The following RRM2B variants were observed in gnomAD, a reference collection of about 807,000 sequenced individuals.
The protein encoded by RRM2B is ribonucleoside-diphosphate reductase subunit M2 B.
A neutral mutation model predicts 45.9 loss-of-function variants in RRM2B; 20 were observed. The ratio of observed to expected loss-of-function variants is 0.44; its 90% CI spans 0.31 to 0.63. RRM2B has a LOEUF of 0.63. RRM2B is among the 30% of genes least tolerant of loss of function. The probability of loss-of-function intolerance (pLI) is 0.09; values close to 1 mark genes in which losing one functional copy is unlikely to be tolerated. For synonymous variants in RRM2B, 124 were observed against 132.3 expected, an observed-to-expected ratio of 0.94 and a Z score of 0.43; for missense variants, 320 against 414.7, an observed-to-expected ratio of 0.77 and a Z score of 1.98.
intron 2 of RRM2B, among the ~76,000 whole-genome samples, chr8:102,228,938 C>CTT (rs1364774564): frequency 1.6e-4 from 24 of 152,316 alleles, no homozygotes; most frequent in Admixed American, 7.8e-4. Flanking sequence ...TTGTCTTTGT[C>CTT]TTTTGCCTTT....
At chr8:102,219,105 C>T (rs1274672152) in intron 5 of RRM2B, 158 bp from the exon 6 acceptor site, 2 of 708,666 alleles carry the variant, frequency 2.8e-6, no homozygotes, top group East Asian at 5.5e-5. Flanking sequence ...AGAAAATGCG[C>T]CACCTCTACC....
chr8:102,230,095 T>C lies in RRM2B; in HGVS notation c.204+2054A>G, dbSNP rs184435861. ...ATACTGATTCCAAACTAGACAATTA[T>C]CATAACTGCCTGAGTGGCTTTAAAG... On this transcript the variant is annotated intron_variant, in intron 2 of 8. Coordinates refer to ENST00000251810, the MANE Select transcript of RRM2B (RefSeq NM_015713.5). 1.7e-3 allele frequency among the ~76,000 whole-genome samples: 256 copies of C among 152,308 alleles called. 4 individuals are homozygous for C. Among genetic ancestry groups the C allele is most frequent in the Admixed American group, 0.014 (209 of 15,292 alleles).
At chr8:102,222,311 A>C (rs1397584420) in intron 5 of RRM2B, among the ~76,000 whole-genome samples, 1 of 152,132 alleles carries the variant, frequency 6.6e-6, no homozygotes, top group Non-Finnish European at 1.5e-5. Context: ...TGCTGGCCTC[A>C]AGTGATCACC....
intron 2 of RRM2B, among the ~76,000 whole-genome samples, chr8:102,227,542 T>A (rs1190541004): frequency 6.6e-6 from 1 of 152,146 alleles, no homozygotes; most frequent in Non-Finnish European, 1.5e-5. Context: ...GCTCAAGTGA[T>A]CTGCCCGCCT....
chr8:102,223,654 C>T (rs1311696964), intron 5 of RRM2B, among the ~76,000 whole-genome samples: 1 of 148,912 alleles, frequency 6.7e-6, no homozygotes, highest in African/African-American at 2.5e-5. Flanking sequence ...CAGGATCACG[C>T]CACCACACTC....
intron 5 of RRM2B, among the ~76,000 whole-genome samples, chr8:102,220,511 T>A (rs375944985): frequency 2.6e-5 from 4 of 152,214 alleles, no homozygotes; most frequent in African/African-American, 9.6e-5. Context: ...GCATTAATAA[T>A]TCAAACAGTC....
chr8:102,229,684 A>G (rs1169864150), intron 2 of RRM2B, among the ~76,000 whole-genome samples: 1 of 152,070 alleles, frequency 6.6e-6, no homozygotes, highest in African/African-American at 2.4e-5. Context: ...ACCTGGGCTC[A>G]AGCGATTCTC....
At chr8:102,208,959 G>A (rs1338016915) in intron 8 of RRM2B, among the ~76,000 whole-genome samples, 2 of 152,186 alleles carry the variant, frequency 1.3e-5, no homozygotes, top group African/African-American at 2.4e-5. Context: ...AGACCAGCCT[G>A]ACTGACATGG....
In RRM2B at chr8:102,218,265, G is replaced by A. The variant is rs561065940; in HGVS notation, c.684+549C>T. On this transcript the variant is annotated intron_variant, in intron 6 of 8. Transcript: ENST00000251810. ...TATAGTGAAGGAGCAAGGCCAGTGC[G>A]GGAACCTAGGAGGACACTGATATTA... is the stretch of plus-strand genomic sequence containing the variant. Among the ~76,000 whole-genome samples the A allele has an allele frequency of 2.6e-5, 4 of 152,226 alleles. No individual in the cohort carries two copies. The South Asian group carries it at 6.2e-4, about 24-fold the overall frequency.
At chr8:102,221,083 A>G (rs933353314) in intron 5 of RRM2B, among the ~76,000 whole-genome samples, 9 of 152,134 alleles carry the variant, frequency 5.9e-5, no homozygotes, top group African/African-American at 2.2e-4. Flanking sequence ...TTTAATCTGT[A>G]TATTTGTTTT....
rs1810521707 is a variant in RRM2B, at chr8:102,205,103, T to G, written c.*3030A>C. The G allele has an allele frequency of 1.3e-5, 2 of 152,230 alleles. No individual in the cohort carries two copies. Among genetic ancestry groups the G allele is most frequent in the Admixed American group, 1.3e-4 (2 of 15,286 alleles). 9.4% of individuals were successfully genotyped at this position (152,230 alleles called of 1,614,324 possible). ...GAAGATTTCCCAAGTCCACTACCAA[T>G]TCACTCAACTTGGTTTAAAAACATA... On this transcript the variant is annotated 3_prime_UTR_variant, in exon 9 of 9. Transcript: ENST00000251810.
chr8:102,231,029 A>G (rs1811017245), intron 2 of RRM2B, among the ~76,000 whole-genome samples: 1 of 152,224 alleles, frequency 6.6e-6, no homozygotes, highest in Admixed American at 6.5e-5. Flanking sequence ...AATGTCTTGA[A>G]AAATAGATTC....
intron 6 of RRM2B, 72 bp downstream of exon 6, chr8:102,218,742 A>AT: frequency 1.2e-5 from 15 of 1,268,202 alleles, no homozygotes; most frequent in East Asian, 2.4e-5. Context: ...AAAAAAAAAA[A>AT]GATGGAAAAG....
chr8:102,232,511 TCA>T (rs1811050546), intron 1 of RRM2B, among the ~76,000 whole-genome samples: 2 of 152,196 alleles, frequency 1.3e-5, no homozygotes. Flanking sequence ...TCTCTAACCC[TCA>T]GTCTCCTCAG....
rs1483826255 is a variant in RRM2B, at chr8:102,206,918, A to T, written c.*1215T>A. The T allele has an allele frequency of 6.6e-6, 1 of 152,192 alleles. No individual in the cohort carries two copies. The highest frequency in any genetic ancestry group is 1.9e-4 in the East Asian group (1 of 5,204). 9.4% of individuals were successfully genotyped at this position (152,192 alleles called of 1,614,324 possible). A position where few individuals can be genotyped will look rare whatever the true frequency, so the allele number is the denominator to read the frequency against. ...CTCAAGAGTTTTAAAACCATAAAGA[A>T]ACACAGCCTAAGTCAATTGCTGGTA... is the stretch of plus-strand genomic sequence containing the variant. On this transcript the variant is annotated 3_prime_UTR_variant, in exon 9 of 9. Transcript: ENST00000251810.
At chr8:102,214,455 G>C (rs1810691109) in intron 6 of RRM2B, 2 of 315,084 alleles carry the variant, frequency 6.3e-6, no homozygotes, top group Non-Finnish European at 1.3e-5. Flanking sequence ...GGAAAATAAA[G>C]CAAGAAAGCC....
chr8:102,238,743 C>T, intron 1 of RRM2B, 84 bp downstream of exon 1: 1 of 1,608,178 alleles, frequency 6.2e-7, no homozygotes, highest in Non-Finnish European at 8.5e-7. Context: ...CGGCGAATAA[C>T]ATTTCCTACA....
At position 102,224,531 on chromosome 8, in the gene RRM2B, C is replaced by T. The variant is rs115563816; in HGVS notation, c.455+354G>A. 5.0e-3 allele frequency among the ~76,000 whole-genome samples: 763 copies of T among 152,264 alleles called. 4 individuals are homozygous for T. Among genetic ancestry groups the T allele is most frequent in the African/African-American group, 0.017 (691 of 41,546 alleles). The stretch of plus-strand genomic sequence containing the variant: ...ATCAGAGATAATAATTGTAACTCTA[C>T]GGTATGCTACCAGATCTGTAGTTTT... On this transcript the variant is annotated intron_variant, in intron 4 of 8. Transcript: ENST00000251810.
Position 102,225,965 on chromosome 8 carries a change from T to C in RRM2B, c.274A>G (p.Ile92Val), listed in dbSNP as rs1810924382. 1 of 1,612,882 alleles carries C rather than the reference T, an allele frequency of 6.2e-7. No homozygotes were observed. The change falls in exon 3 of 9, where the codon ATC becomes GTC. Residue 92 changes from isoleucine (I) to valine (V), a missense_variant. Transcript: ENST00000251810. ...TCACTGGCTGCAAAAAAGGCTAAGATGTGAGAGATGAAGTACTTCTCATCT... is the reference window on the plus strand; with the variant it reads ...TCACTGGCTGCAAAAAAGGCTAAGACGTGAGAGATGAAGTACTTCTCATCT... ...KADEKYFISHILAFFAASDGI... is the reference protein window; with the variant it reads ...KADEKYFISHVLAFFAASDGI...
Sources: gnomAD v4.1 joint callset for allele counts (sites outside exome capture counted in the v4.1 genomes callset) on GRCh38, gnomAD v4.1.1 for gene constraint, MANE v1.5 for transcripts, NCBI Gene and HGNC (gene_info 2026-07-23, HGNC 2026-07-21) for gene names.